The following SAMTOR variants were observed in gnomAD, a reference collection of about 807,000 sequenced individuals.
The protein encoded by SAMTOR is UPF0532 protein C7orf60.
the SAMTOR span, chr7:112,939,806 T>TGGAGGAGGTGGGGTA: frequency 7.2e-7 from 1 of 1,387,956 alleles, no homozygotes; most frequent in East Asian, 2.3e-5. Flanking sequence ...GCTCCCCAGA[T>TGGAGGAGGTGGGGTA]GGAGGAGGTG....
the SAMTOR span, among the ~76,000 whole-genome samples, chr7:112,859,494 T>C: frequency 1.3e-5 from 2 of 152,188 alleles, no homozygotes; most frequent in Non-Finnish European, 2.9e-5. Flanking sequence ...TACTACACTT[T>C]TGTTATATTA....
At chr7:112,822,273 A>G in the SAMTOR span, 1 of 1,613,576 alleles carries the variant, frequency 6.2e-7, no homozygotes, top group Non-Finnish European at 8.5e-7. Flanking sequence ...AAGAGAATCA[A>G]TAGGGTTTTT....
chr7:112,842,780 A>G, the SAMTOR span, among the ~76,000 whole-genome samples: 1 of 151,980 alleles, frequency 6.6e-6, no homozygotes, highest in Non-Finnish European at 1.5e-5. Context: ...TAAAGACAAT[A>G]GACTTTGAGT....
the SAMTOR span, among the ~76,000 whole-genome samples, chr7:112,841,603 G>T: frequency 6.6e-6 from 1 of 151,900 alleles, no homozygotes; most frequent in Non-Finnish European, 1.5e-5. Context: ...AACCAAAAAA[G>T]GAGCCCGTAT....
At chr7:112,824,788 T>C in the SAMTOR span, among the ~76,000 whole-genome samples, 1 of 152,284 alleles carries the variant, frequency 6.6e-6, no homozygotes, top group Non-Finnish European at 1.5e-5. Flanking sequence ...ATCACGTACG[T>C]AAGTTTGGGC....
chr7:112,907,765 A>G, the SAMTOR span, among the ~76,000 whole-genome samples: 1 of 152,080 alleles, frequency 6.6e-6, no homozygotes, highest in Non-Finnish European at 1.5e-5. Flanking sequence ...ACCAATTCCA[A>G]TCTATCGGAG....
At chr7:112,893,257 G>A in the SAMTOR span, among the ~76,000 whole-genome samples, 1 of 152,148 alleles carries the variant, frequency 6.6e-6, no homozygotes, top group Non-Finnish European at 1.5e-5. Context: ...TCCAATAGAA[G>A]GCTTTTAAAT....
chr7:112,861,225 G>A, the SAMTOR span, among the ~76,000 whole-genome samples: 1 of 152,068 alleles, frequency 6.6e-6, no homozygotes, highest in African/African-American at 2.4e-5. Context: ...AGTAGTTTTT[G>A]ACAACTAAAT....
the SAMTOR span, among the ~76,000 whole-genome samples, chr7:112,860,912 C>CAAA: frequency 4.6e-4 from 21 of 45,824 alleles, no homozygotes; most frequent in African/African-American, 1.1e-3. Flanking sequence ...GACTCTGTCT[C>CAAA]AAAAAAAAAA....
the SAMTOR span, among the ~76,000 whole-genome samples, chr7:112,930,293 A>G: frequency 6.6e-6 from 1 of 152,178 alleles, no homozygotes; most frequent in Non-Finnish European, 1.5e-5. Context: ...TCAGCTCTTG[A>G]GCACCTGATA....
chr7:112,858,529 T>A, the SAMTOR span, among the ~76,000 whole-genome samples: 2 of 152,082 alleles, frequency 1.3e-5, no homozygotes, highest in Non-Finnish European at 2.9e-5. Flanking sequence ...CAAGTTGTTA[T>A]TCTTAAATGC....
the SAMTOR span, among the ~76,000 whole-genome samples, chr7:112,881,062 G>A: frequency 6.6e-6 from 1 of 152,200 alleles, no homozygotes; most frequent in Non-Finnish European, 1.5e-5. Flanking sequence ...GGCCTGGGAA[G>A]CTCCACTGCC....
the SAMTOR span, among the ~76,000 whole-genome samples, chr7:112,849,799 T>C: frequency 6.6e-6 from 1 of 152,252 alleles, no homozygotes; most frequent in Non-Finnish European, 1.5e-5. Context: ...TGAGGGGTTT[T>C]ATGAAAGAAT....
At chr7:112,918,862 T>C in the SAMTOR span, among the ~76,000 whole-genome samples, 1 of 152,150 alleles carries the variant, frequency 6.6e-6, no homozygotes, top group African/African-American at 2.4e-5. Flanking sequence ...GGCCATTACA[T>C]AATGGTAAAG....
At chr7:112,827,372 A>T in the SAMTOR span, among the ~76,000 whole-genome samples, 2 of 151,800 alleles carry the variant, frequency 1.3e-5, no homozygotes, top group African/African-American at 4.8e-5. Context: ...CTCTTCCTTC[A>T]TCTTTTGAAT....
At chr7:112,857,679 A>G in the SAMTOR span, among the ~76,000 whole-genome samples, 1 of 152,220 alleles carries the variant, frequency 6.6e-6, no homozygotes, top group Admixed American at 6.5e-5. Flanking sequence ...TTAGAAGAAA[A>G]GGTACCCCCA....
chr7:112,861,708 C>T, the SAMTOR span, among the ~76,000 whole-genome samples: 1 of 152,122 alleles, frequency 6.6e-6, no homozygotes, highest in Admixed American at 6.5e-5. Context: ...AAATATAAGT[C>T]AGCTAAAAGT....
chr7:112,890,892 G>C, the SAMTOR span, among the ~76,000 whole-genome samples: 3 of 151,970 alleles, frequency 2.0e-5, no homozygotes, highest in Non-Finnish European at 4.4e-5. Flanking sequence ...GTTTTGTCAT[G>C]TTGTCCAGGC....
At chr7:112,912,858 T>C in the SAMTOR span, among the ~76,000 whole-genome samples, 2 of 152,096 alleles carry the variant, frequency 1.3e-5, no homozygotes, top group Admixed American at 1.3e-4. Context: ...TTGAGGCAGA[T>C]TCATTGTTCA....
Sources: allele counts gnomAD v4.1 joint callset (sites outside exome capture counted in the v4.1 genomes callset), GRCh38; gene constraint gnomAD v4.1.1; transcripts MANE v1.5; gene names NCBI Gene and HGNC (gene_info 2026-07-23, HGNC 2026-07-21).